The following OSBPL10 variants were observed in gnomAD, a reference collection of about 807,000 sequenced individuals.
OSBPL10 encodes the protein oxysterol-binding protein-related protein 10.
Under a neutral mutation model 81.7 loss-of-function variants are expected in OSBPL10, and 49 were observed. The observed-to-expected ratio is 0.60, with a 90% confidence interval of 0.48 to 0.76. The LOEUF (loss-of-function observed/expected upper bound fraction) is 0.76. Ranked by LOEUF, OSBPL10 falls within the 30% of genes least tolerant of loss-of-function variation. The pLI, the probability that OSBPL10 is intolerant of heterozygous loss-of-function variation, is 0.00. For missense variants in OSBPL10, 923 were observed against 987.8 expected (o/e 0.93, Z 0.88); for synonymous variants, 419 against 383.6 (o/e 1.09, Z -1.08).
At chr3:31,683,602 A>G in intron 8 of OSBPL10, 32 bp downstream of exon 8, 2 of 1,593,630 alleles carry the variant, frequency 1.3e-6, no homozygotes, top group East Asian at 4.5e-5. Flanking sequence ...TCACTGTGTA[A>G]GAGCCAAACT....
intron 4 of OSBPL10, among the ~76,000 whole-genome samples, chr3:31,808,861 C>A (rs1699590896): frequency 6.6e-6 from 1 of 152,196 alleles, no homozygotes; most frequent in Non-Finnish European, 1.5e-5. Flanking sequence ...CCACTGTACT[C>A]CCAGAACTGG....
intron 2 of OSBPL10, among the ~76,000 whole-genome samples, chr3:32,024,633 TG>T (rs1699387757): frequency 6.6e-6 from 1 of 151,854 alleles, no homozygotes. Flanking sequence ...TACACGCGCC[TG>T]CCACCATGCT....
chr3:31,905,373 G>A (rs945938372), intron 1 of OSBPL10, among the ~76,000 whole-genome samples: 7 of 82,438 alleles, frequency 8.5e-5, no homozygotes, highest in African/African-American at 4.3e-4. Context: ...TTTTTTAGAC[G>A]GACTCCCGTT....
At chr3:31,887,287 A>G (rs1695762041) in intron 1 of OSBPL10, among the ~76,000 whole-genome samples, 1 of 152,208 alleles carries the variant, frequency 6.6e-6, no homozygotes, top group South Asian at 2.1e-4. Context: ...ACTCAGGAAA[A>G]GTCAGCAAAA....
intron 3 of OSBPL10, among the ~76,000 whole-genome samples, chr3:31,859,167 T>C (rs1701000223): frequency 6.6e-6 from 1 of 152,094 alleles, no homozygotes; most frequent in Non-Finnish European, 1.5e-5. Context: ...AACCAGGTTT[T>C]TTTTTTTGTT....
At chr3:31,939,936 G>A (rs924932184) in intron 1 of OSBPL10, among the ~76,000 whole-genome samples, 5 of 152,090 alleles carry the variant, frequency 3.3e-5, no homozygotes, top group Non-Finnish European at 7.4e-5. Flanking sequence ...GTTCAGGCTG[G>A]TATCAAACTC....
At chr3:31,869,852 G>T (rs956520657) in intron 3 of OSBPL10, among the ~76,000 whole-genome samples, 1 of 152,226 alleles carries the variant, frequency 6.6e-6, no homozygotes, top group Admixed American at 6.5e-5. Flanking sequence ...CATGGATGAA[G>T]CTCACACTAG....
chr3:31,842,523 T>A (rs536835842), intron 3 of OSBPL10, among the ~76,000 whole-genome samples: 2 of 152,198 alleles, frequency 1.3e-5, no homozygotes, highest in Non-Finnish European at 2.9e-5. Context: ...GGGCTTTACA[T>A]AAAACACAAA....
At position 31,675,945 on chromosome 3, in the gene OSBPL10, C is replaced by CAAAA. The variant is rs773575072; in HGVS notation, c.1727-4966_1727-4963dup. 3.9e-3 allele frequency among the ~76,000 whole-genome samples: 228 copies of CAAAA among 59,128 alleles called. 3 individuals carry two copies. Among genetic ancestry groups the CAAAA allele is most frequent in the Non-Finnish European group, 6.9e-3 (181 of 26,394 alleles). The allele number at this position is 59,128 out of a possible 152,430, so 38.8% of individuals were successfully genotyped here. A position where few individuals can be genotyped will look rare whatever the true frequency, so the allele number is the denominator to read the frequency against. ...TGGGCGACAGAGCGAGACTCCATCT[C>CAAAA]AAAAAAAAAAAAAAAAAAAAGAGGA... On this transcript the variant is annotated intron_variant, in intron 8 of 11. Coordinates refer to ENST00000396556, the MANE Select transcript of OSBPL10 (RefSeq NM_017784.5).
chr3:31,828,916 ACTTTTT>A (rs1444431085), intron 4 of OSBPL10, among the ~76,000 whole-genome samples: 2 of 152,212 alleles, frequency 1.3e-5, no homozygotes, highest in South Asian at 2.1e-4. Flanking sequence ...CTGACTCTCT[ACTTTTT>A]CTTTATTAGG....
At chr3:31,999,694 T>C (rs897928125) in intron 2 of OSBPL10, among the ~76,000 whole-genome samples, 2 of 152,032 alleles carry the variant, frequency 1.3e-5, no homozygotes, top group African/African-American at 4.8e-5. Flanking sequence ...TTGCCATTCA[T>C]AAGTTTTGCT....
chr3:32,033,628 C>T (rs1165677475), intron 2 of OSBPL10, among the ~76,000 whole-genome samples: 4 of 152,170 alleles, frequency 2.6e-5, no homozygotes, highest in South Asian at 2.1e-4. Context: ...GGTATTCATA[C>T]ACTCTATGAT....
chr3:31,807,953 C>G (rs1271418079), intron 4 of OSBPL10, among the ~76,000 whole-genome samples: 1 of 152,122 alleles, frequency 6.6e-6, no homozygotes, highest in African/African-American at 2.4e-5. Context: ...GATATAATGA[C>G]TTATTAATAA....
chr3:31,933,177 C>T (rs1009703564), intron 1 of OSBPL10, among the ~76,000 whole-genome samples: 4 of 152,132 alleles, frequency 2.6e-5, no homozygotes, highest in Admixed American at 2.6e-4. Context: ...TAACTTCCCA[C>T]ACTGTTATTG....
At chr3:31,877,355 C>A (rs1054405163) in intron 2 of OSBPL10, among the ~76,000 whole-genome samples, 2 of 149,916 alleles carry the variant, frequency 1.3e-5, no homozygotes, top group African/African-American at 2.5e-5. Flanking sequence ...CAAATGCTGC[C>A]TTAGAGAGCC....
intron 1 of OSBPL10, among the ~76,000 whole-genome samples, chr3:32,071,122 A>G (rs1294019412): frequency 6.6e-6 from 1 of 152,172 alleles, no homozygotes; most frequent in Non-Finnish European, 1.5e-5. Context: ...TCTCCAAGGG[A>G]TATCAGGTAT....
intron 4 of OSBPL10, among the ~76,000 whole-genome samples, chr3:31,784,771 T>C (rs1417223915): frequency 6.6e-6 from 1 of 151,302 alleles, no homozygotes; most frequent in South Asian, 2.1e-4. Context: ...TTAGCAGAGA[T>C]GGGGTTCCAC....
intron 4 of OSBPL10, among the ~76,000 whole-genome samples, chr3:31,768,553 A>ATGC: frequency 6.6e-6 from 1 of 151,952 alleles, no homozygotes; most frequent in East Asian, 1.9e-4. Flanking sequence ...AAATAAACAC[A>ATGC]TGTAATTCTT....
intron 6 of OSBPL10, chr3:31,711,182 C>G (rs1055948417): frequency 1.3e-5 from 2 of 152,236 alleles, no homozygotes; most frequent in African/African-American, 4.8e-5. Context: ...CATGCCCATT[C>G]TGGCACTTAG....
Sources: allele counts gnomAD v4.1 joint callset (sites outside exome capture counted in the v4.1 genomes callset), GRCh38; gene constraint gnomAD v4.1.1; transcripts MANE v1.5; gene names NCBI Gene and HGNC (gene_info 2026-07-23, HGNC 2026-07-21).